ACAD9: variants seen among roughly 807,000 people sequenced by gnomAD.
ACAD9 encodes the protein acyl-CoA dehydrogenase family member 9, also known as complex I assembly factor ACAD9, mitochondrial.
A neutral mutation model predicts 70.2 loss-of-function variants in ACAD9; 53 were observed. The ratio of observed to expected loss-of-function variants is 0.75; its 90% CI spans 0.61 to 0.95. The LOEUF is 0.95. Among genes scored for constraint, ACAD9 ranks in the 40% least tolerant of loss-of-function variants. The probability of loss-of-function intolerance (pLI) is 0.00; values close to 1 mark genes in which losing one functional copy is unlikely to be tolerated. For missense variants in ACAD9, 777 were observed against 802.8 expected, an observed-to-expected ratio of 0.97 and a Z score of 0.39; for synonymous variants, 313 against 312.1, an observed-to-expected ratio of 1.00 and a Z score of -0.03.
rs745782599 is a variant in ACAD9 at position 128,908,208 on chromosome 3, G to A, written c.1302G>A (p.Met434Ile). The stretch of plus-strand genomic sequence containing the variant: ...AGGGAACCAATGAGATTCTCCGGAT[G>A]TACATCGCCCTGACGGGTCTGCAGC... Reference protein sequence around the residue: ...IFEGTNEILRMYIALTGLQHA... With the variant: ...IFEGTNEILRIYIALTGLQHA... Residue 434 changes from methionine (M) to isoleucine (I), a missense_variant, in exon 13 of 18, where the codon ATG (methionine) becomes ATA (isoleucine). Physicochemically the swap from Met to Ile is conservative, Grantham distance 10. Transcript: ENST00000308982. 2 of 1,614,174 alleles carry A rather than the reference G, an allele frequency of 1.2e-6. No individual in the cohort carries two copies. The highest frequency in any genetic ancestry group is 2.2e-5 in the East Asian group (1 of 44,884).
intron 5 of ACAD9, among the ~76,000 whole-genome samples, chr3:128,896,856 A>G (rs1014828661): frequency 5.3e-5 from 8 of 152,196 alleles, no homozygotes; most frequent in African/African-American, 1.9e-4. Context: ...CGTGGGTGGT[A>G]CTGCTCCCAC....
rs1683787 is a variant in ACAD9 at position 128,908,178 on chromosome 3, A to G, written c.1279-7A>G. ...GCAGCCTTTGACCTCTACACTACTGACCACAGGGAACCAATGAGATTCTCC... is the reference window on the plus strand; with the variant it reads ...GCAGCCTTTGACCTCTACACTACTGGCCACAGGGAACCAATGAGATTCTCC... On this transcript the variant is annotated splice_polypyrimidine_tract_variant and splice_region_variant and intron_variant, in intron 12 of 17. Coordinates refer to ENST00000308982, the MANE Select transcript of ACAD9 (RefSeq NM_014049.5). 0.34 allele frequency: 541,042 copies of G among 1,613,216 alleles called. 99,470 individuals carry two copies. The highest frequency in any genetic ancestry group is 0.72 in the African/African-American group (53,638 of 75,006).
In ACAD9 at chr3:128,896,490, G is replaced by C; in HGVS notation, c.508G>C (p.Ala170Pro). 6.2e-7 allele frequency: 1 copy of C among 1,614,214 alleles called. No individual in the cohort carries two copies. Among genetic ancestry groups the C allele is most frequent in the Non-Finnish European group, 8.5e-7 (1 of 1,180,042 alleles). The change falls in exon 5 of 18, where the codon GCG becomes CCG. Residue 170 changes from alanine to proline, a missense_variant. Ala to Pro is a conservative substitution (Grantham distance 27, BLOSUM62 -1). Coordinates refer to ENST00000308982, the MANE Select transcript of ACAD9 (RefSeq NM_014049.5). Reference sequence around the variant, plus strand: ...GAAAGCCAAATACTTGCCTAAACTGGCGTCCGGGGAGCACATTGCAGCCTT... The same window carrying C: ...GAAAGCCAAATACTTGCCTAAACTGCCGTCCGGGGAGCACATTGCAGCCTT... Reference protein sequence around the residue: ...EQKAKYLPKLASGEHIAAFCL... With the variant: ...EQKAKYLPKLPSGEHIAAFCL...
intron 2 of ACAD9, among the ~76,000 whole-genome samples, chr3:128,889,919 C>T (rs1405599865): frequency 1.3e-5 from 2 of 152,036 alleles, no homozygotes; most frequent in Admixed American, 6.6e-5. Context: ...AACTTCTGGG[C>T]TCAAGCCATC....
rs1224724942 is a variant in ACAD9 at position 128,902,871 on chromosome 3, TTCTG to T, written c.958+248_958+251del. On this transcript the variant is annotated intron_variant, in intron 9 of 17. Coordinates refer to ENST00000308982, the MANE Select transcript of ACAD9 (RefSeq NM_014049.5). This position sits in a 1 kb window ranked among gnomAD's most constrained non-coding sequence, Gnocchi z 4.0. ...GGTGATGCTGACTGGGGGACAGGCT[TTCTG>T]TCTGGGGTGGGGATGGGGATTGGGG... Among the ~76,000 whole-genome samples the T allele has an allele frequency of 6.6e-6, 1 of 152,082 alleles. No individual in the cohort carries two copies. Among genetic ancestry groups the T allele is most frequent in the Non-Finnish European group, 1.5e-5 (1 of 67,986 alleles).
In ACAD9 at chr3:128,908,956, C is replaced by T. The variant is rs927220168; in HGVS notation, c.1359-17C>T. ...AGCAGCGAGGCCTCCAGTCACAGGACCATGGACTTTCTGCAGTGAGCTTAA... is the reference window on the plus strand; with the variant it reads ...AGCAGCGAGGCCTCCAGTCACAGGATCATGGACTTTCTGCAGTGAGCTTAA... On this transcript the variant is annotated splice_polypyrimidine_tract_variant and intron_variant, in intron 13 of 17. Transcript: ENST00000308982. 5 of 1,613,900 alleles carry T rather than the reference C, an allele frequency of 3.1e-6. No homozygotes were observed. Among genetic ancestry groups the T allele is most frequent in the Non-Finnish European group, 4.2e-6 (5 of 1,180,012 alleles).
intron 6 of ACAD9, 123 bp from the exon 7 acceptor site, chr3:128,899,164 C>A: frequency 1.0e-6 from 1 of 1,000,466 alleles, no homozygotes; most frequent in Non-Finnish European, 1.5e-6. Context: ...TTCTGCAGAG[C>A]CAAGGACCCT....
chr3:128,906,266 C>CT lies in ACAD9; in HGVS notation c.1278+17_1278+18insT, dbSNP rs777107286. On this transcript the variant is annotated intron_variant, in intron 12 of 17. Transcript: ENST00000308982. The stretch of plus-strand genomic sequence containing the variant: ...ATCTTCGAGGTGAGTGGCCCCGCCA[C>CT]CAGCTAAGCTGTGCTCCACCCCCAC... The CT allele has an allele frequency of 6.2e-7, 1 of 1,613,762 alleles. No individual in the cohort carries two copies. Among genetic ancestry groups the CT allele is most frequent in the South Asian group, 1.1e-5 (1 of 91,092 alleles).
chr3:128,909,148 G>C (rs1325767495), intron 14 of ACAD9, 49 bp downstream of exon 14: 2 of 1,612,170 alleles, frequency 1.2e-6, no homozygotes, highest in Admixed American at 1.7e-5. Flanking sequence ...CCTCCTGCCA[G>C]ATCTCCTTGT....
At chr3:128,894,249 C>A (rs1436166375) in intron 3 of ACAD9, among the ~76,000 whole-genome samples, 1 of 152,092 alleles carries the variant, frequency 6.6e-6, no homozygotes. Flanking sequence ...ACAGGACAGA[C>A]CCCCAAAACA....
At position 128,909,085 on chromosome 3, in the gene ACAD9, C is replaced by T. The variant is rs760539625; in HGVS notation, c.1471C>T (p.His491Tyr). ...GCTGACAGGCAACCATGGAGTTGTG[C>T]ACCCCAGTCTTGCGGTGAGTGGGCC... Reference protein sequence around the residue: ...LGLTGNHGVVHPSLADSANKF... With the variant: ...LGLTGNHGVVYPSLADSANKF... Residue 491 changes from histidine to tyrosine, a missense_variant, in exon 14 of 18, where the codon CAC (histidine) becomes TAC (tyrosine). By Grantham distance (83) the His-to-Tyr change is moderately conservative. Transcript: ENST00000308982. The T allele has an allele frequency of 2.7e-5, 43 of 1,613,934 alleles. No homozygotes were observed. Among genetic ancestry groups the T allele is most frequent in the Non-Finnish European group, 3.3e-5 (39 of 1,180,022 alleles).
At chr3:128,904,292 T>G in intron 10 of ACAD9, 94 bp from the exon 11 acceptor site, 1 of 1,608,844 alleles carries the variant, frequency 6.2e-7, no homozygotes, top group Non-Finnish European at 8.5e-7. Flanking sequence ...TCTTGGGCAT[T>G]GAGGCTTCTG....
rs755199331 is a variant in ACAD9 at position 128,896,438 on chromosome 3, G to A, written c.456G>A (p.Gly152=). The change falls in exon 5 of 18, where the codon GGG becomes GGA. Residue 152 remains glycine, a splice_region_variant and synonymous_variant. Coordinates refer to ENST00000308982, the MANE Select transcript of ACAD9 (RefSeq NM_014049.5). ...LAAHQAIGLK[G]IILAGTEEQK... is the part of the protein sequence containing the mutation. ...TAGTCTGTGTCTGTTTTGTTTAGGG[G>A]ATCATCTTGGCTGGCACTGAGGAGC... 6.8e-6 allele frequency: 11 copies of A among 1,614,122 alleles called. 1 individual carries two copies. The South Asian group carries it at 1.2e-4, about 18-fold the overall frequency.
chr3:128,910,353 G>GTGAC (rs1936137586), intron 16 of ACAD9: 15 of 1,466,934 alleles, frequency 1.0e-5, no homozygotes, highest in East Asian at 2.5e-5. Context: ...GAGGGGGTGA[G>GTGAC]TGACAGGGGT....
intron 6 of ACAD9, 145 bp from the exon 7 acceptor site, chr3:128,899,142 T>C (rs941596117): frequency 6.5e-6 from 5 of 769,882 alleles, no homozygotes; most frequent in Non-Finnish European, 1.1e-5. Context: ...TATTCACTCA[T>C]GCTTGGTTGG....
chr3:128,909,638 G>A, intron 15 of ACAD9: 1 of 607,806 alleles, frequency 1.6e-6, no homozygotes. Context: ...TTTCTGCAGT[G>A]TTTTTCTGTG....
Position 128,912,794 on chromosome 3 carries a change from C to G in ACAD9, c.*187C>G, listed in dbSNP as rs1325003079. 2.7e-6 allele frequency: 2 copies of G among 735,690 alleles called. No homozygotes were observed. The highest frequency in any genetic ancestry group is 5.0e-6 in the Non-Finnish European group (2 of 400,084). 45.6% of individuals were successfully genotyped at this position (735,690 alleles called of 1,614,324 possible). On this transcript the variant is annotated 3_prime_UTR_variant, in exon 18 of 18. Coordinates refer to ENST00000308982, the MANE Select transcript of ACAD9 (RefSeq NM_014049.5). ...CAGGTTTTGACCTGCAGGCAGTGCT[C>G]TCTAACAGGACCATCACAGCTTCTG...
At position 128,902,163 on chromosome 3, in the gene ACAD9, T is replaced by C. The variant is rs1203175035; in HGVS notation, c.883-390T>C. On this transcript the variant is annotated intron_variant, in intron 8 of 17. Transcript: ENST00000308982. This position sits in a 1 kb window ranked among gnomAD's most constrained non-coding sequence, Gnocchi z 4.0. ...TGGCTGCTATCAGTAATGCTACTTATGAACATTCATGTCAAGTTTTAATGT... is the reference window on the plus strand; with the variant it reads ...TGGCTGCTATCAGTAATGCTACTTACGAACATTCATGTCAAGTTTTAATGT... 2.6e-5 allele frequency among the ~76,000 whole-genome samples: 4 copies of C among 152,248 alleles called. No homozygotes were observed. The highest frequency in any genetic ancestry group is 7.2e-5 in the African/African-American group (3 of 41,468).
Position 128,912,957 on chromosome 3 carries a change from G to C in ACAD9, c.*350G>C, listed in dbSNP as rs1254418782. 2.0e-6 allele frequency: 1 copy of C among 492,138 alleles called. No homozygotes were observed. The highest frequency in any genetic ancestry group is 2.3e-5 in the Admixed American group (1 of 44,124). The allele number at this position is 492,138 out of a possible 1,614,324, so 30.5% of individuals were successfully genotyped here. A position where few individuals can be genotyped will look rare whatever the true frequency, so the allele number is the denominator to read the frequency against. On this transcript the variant is annotated 3_prime_UTR_variant, in exon 18 of 18. Coordinates refer to ENST00000308982, the MANE Select transcript of ACAD9 (RefSeq NM_014049.5). Reference sequence around the variant, plus strand: ...GTGAGGTGGGTGGGGACCTGTGTCAGGTGTGGATAGCCATTTCTGCTCAAC... The same window carrying C: ...GTGAGGTGGGTGGGGACCTGTGTCACGTGTGGATAGCCATTTCTGCTCAAC...
Sources: allele counts gnomAD v4.1 joint callset (sites outside exome capture counted in the v4.1 genomes callset), GRCh38; gene constraint gnomAD v4.1.1; non-coding constraint Gnocchi (gnomAD v3.1); transcripts MANE v1.5; gene names NCBI Gene and HGNC (gene_info 2026-07-23, HGNC 2026-07-21).